Variants in UBR2 observed in about 807,000 individuals in gnomAD.
UBR2 encodes the protein E3 ubiquitin-protein ligase UBR2.
UBR2 carries 92 observed loss-of-function variants against 247.9 expected under a neutral mutation model. The ratio of observed to expected loss-of-function variants is 0.37; its 90% CI spans 0.31 to 0.44. The LOEUF (loss-of-function observed/expected upper bound fraction) is 0.44, where lower values mean the gene tolerates loss of function less well. Among genes scored for constraint, UBR2 ranks in the 20% least tolerant of loss-of-function variants. UBR2 has a pLI of 1.00. For missense variants in UBR2, 1,613 were observed against 2,112.6 expected (o/e 0.76, Z 4.64); for synonymous variants, 672 against 693.5 (o/e 0.97, Z 0.49).
Position 42,692,902 on chromosome 6 carries a change from C to T in UBR2, c.*1729C>T, listed in dbSNP as rs1293004867. The T allele has an allele frequency of 1.3e-5, 2 of 152,184 alleles. No individual in the cohort carries two copies. The highest frequency in any genetic ancestry group is 4.8e-5 in the African/African-American group (2 of 41,434). 9.4% of individuals were successfully genotyped at this position (152,184 alleles called of 1,614,324 possible). ...AAAATTCACATTTGAGTCCACCTCT[C>T]TCCCCCTTTTTCTGGCCTTCATTCA... On this transcript the variant is annotated 3_prime_UTR_variant, in exon 47 of 47. Coordinates refer to ENST00000372901, the MANE Select transcript of UBR2 (RefSeq NM_001363705.2).
rs1230334933 is a variant in UBR2, at chr6:42,689,351, T to C, written c.5025-218T>C. 2.6e-5 allele frequency among the ~76,000 whole-genome samples: 4 copies of C among 152,156 alleles called. No homozygotes were observed. The highest frequency in any genetic ancestry group is 5.9e-5 in the Non-Finnish European group (4 of 68,028). ...ATGTCTGTTTAATTGTGCTGTACTATTAATGCCAGAAAAAGGCAAATGTCT... is the reference window on the plus strand; with the variant it reads ...ATGTCTGTTTAATTGTGCTGTACTACTAATGCCAGAAAAAGGCAAATGTCT... On this transcript the variant is annotated intron_variant, in intron 45 of 46. Transcript: ENST00000372901. The surrounding 1 kb of genome is among the most constrained non-coding windows in gnomAD (Gnocchi z 4.0).
intron 7 of UBR2, among the ~76,000 whole-genome samples, chr6:42,607,461 C>T (rs1793776009): frequency 1.3e-5 from 2 of 151,908 alleles, no homozygotes; most frequent in East Asian, 3.9e-4. Flanking sequence ...AGCCACCACA[C>T]CTCAAATTTC....
At chr6:42,613,455 C>T (rs1029793406) in intron 8 of UBR2, among the ~76,000 whole-genome samples, 9 of 152,146 alleles carry the variant, frequency 5.9e-5, no homozygotes, top group African/African-American at 1.7e-4. Flanking sequence ...GACACGGTGG[C>T]CCACTCCTCT....
chr6:42,637,795 G>A (rs995387742), intron 15 of UBR2, among the ~76,000 whole-genome samples: 3 of 152,164 alleles, frequency 2.0e-5, no homozygotes, highest in African/African-American at 7.2e-5. Flanking sequence ...GCCATCTTAT[G>A]TGGCCAAAGA....
At chr6:42,598,489 C>G (rs867350915) in intron 4 of UBR2, among the ~76,000 whole-genome samples, 6 of 152,126 alleles carry the variant, frequency 3.9e-5, no homozygotes, top group African/African-American at 1.4e-4. Flanking sequence ...CTACTCAGTT[C>G]CCACTCCCTA....
At chr6:42,580,442 C>T (rs1171431962) in intron 2 of UBR2, among the ~76,000 whole-genome samples, 1 of 152,172 alleles carries the variant, frequency 6.6e-6, no homozygotes, top group East Asian at 1.9e-4. Flanking sequence ...GTAGGAAACG[C>T]AAATTTATAT....
At chr6:42,663,220 A>G in intron 31 of UBR2, 38 bp from the exon 32 acceptor site, 3 of 1,456,894 alleles carry the variant, frequency 2.1e-6, no homozygotes, top group Non-Finnish European at 2.7e-6. Flanking sequence ...TATGTAAATT[A>G]CCATTGTTTT....
At chr6:42,584,422 G>A (rs1336599654) in intron 2 of UBR2, among the ~76,000 whole-genome samples, 1 of 152,124 alleles carries the variant, frequency 6.6e-6, no homozygotes, top group Non-Finnish European at 1.5e-5. Context: ...GATTATTGCA[G>A]CTTTATAATA....
intron 42 of UBR2, among the ~76,000 whole-genome samples, chr6:42,680,577 C>T (rs1431415150): frequency 1.3e-5 from 2 of 152,142 alleles, no homozygotes; most frequent in African/African-American, 2.4e-5. Flanking sequence ...TCACACTCAG[C>T]TTTTCATAGA....
chr6:42,670,376 AAATGT>A (rs1798359089), intron 35 of UBR2, 136 bp downstream of exon 35: 3 of 1,146,360 alleles, frequency 2.6e-6, no homozygotes, highest in South Asian at 1.6e-5. Flanking sequence ...TAGAAGCAAG[AAATGT>A]AATGTACTGA....
At chr6:42,651,299 T>C (rs1219357096) in intron 23 of UBR2, among the ~76,000 whole-genome samples, 1 of 152,038 alleles carries the variant, frequency 6.6e-6, no homozygotes, top group Non-Finnish European at 1.5e-5. Flanking sequence ...AAATAAAACT[T>C]AAACATAAAG....
intron 44 of UBR2, 124 bp from the exon 45 acceptor site, chr6:42,688,092 G>A: frequency 9.3e-7 from 1 of 1,075,914 alleles, no homozygotes; most frequent in Non-Finnish European, 1.4e-6. Context: ...TGCATAGACT[G>A]TAGGATATAC....
Position 42,658,709 on chromosome 6 carries a change from G to GAA in UBR2, c.3130_3131dup (p.Ile1045ArgfsTer25), listed in dbSNP as rs1402144624. 1 of 1,612,738 alleles carries GAA rather than the reference G, an allele frequency of 6.2e-7. No homozygotes were observed. On this transcript the variant is annotated frameshift_variant, in exon 29 of 47. Transcript: ENST00000372901. LOFTEE classifies it high-confidence loss of function. The stretch of plus-strand genomic sequence containing the variant: ...AGCAGAGATTGCCAGACTGCGCAGA[G>GAA]AAAAGATCATGGCTCAGATGTCTGA...
At chr6:42,672,855 A>G (rs1798525213) in intron 36 of UBR2, among the ~76,000 whole-genome samples, 1 of 152,028 alleles carries the variant, frequency 6.6e-6, no homozygotes, top group African/African-American at 2.4e-5. Flanking sequence ...GGAGGGGGAG[A>G]ATGGGTTTTA....
In UBR2 at chr6:42,693,312, A is replaced by G. The variant is rs1382841014; in HGVS notation, c.*2139A>G. On this transcript the variant is annotated 3_prime_UTR_variant, in exon 47 of 47. Coordinates refer to ENST00000372901, the MANE Select transcript of UBR2 (RefSeq NM_001363705.2). Reference sequence around the variant, plus strand: ...CTACCTTACAAATCATGTTAGTTTTATGATTTGTTCCGCATGTTTTATGTT... The same window carrying G: ...CTACCTTACAAATCATGTTAGTTTTGTGATTTGTTCCGCATGTTTTATGTT... 6.6e-6 allele frequency: 1 copy of G among 152,170 alleles called. No individual in the cohort carries two copies. Among genetic ancestry groups the G allele is most frequent in the Admixed American group, 6.5e-5 (1 of 15,280 alleles). 9.4% of individuals were successfully genotyped at this position (152,170 alleles called of 1,614,324 possible). A position where few individuals can be genotyped will look rare whatever the true frequency, so the allele number is the denominator to read the frequency against.
At chr6:42,605,184 C>T (rs1412969115) in intron 5 of UBR2, among the ~76,000 whole-genome samples, 3 of 152,116 alleles carry the variant, frequency 2.0e-5, no homozygotes, top group Admixed American at 1.3e-4. Context: ...TTTCACCTGC[C>T]TCTAGCCCAT....
chr6:42,628,194 C>T (rs1038364637), intron 11 of UBR2, among the ~76,000 whole-genome samples: 4 of 151,788 alleles, frequency 2.6e-5, no homozygotes, highest in African/African-American at 4.8e-5. Flanking sequence ...TTTTATTAAG[C>T]GTTTCTAGTT....
chr6:42,623,460 G>T (rs1003954289), intron 11 of UBR2, among the ~76,000 whole-genome samples: 17 of 151,862 alleles, frequency 1.1e-4, no homozygotes, highest in Admixed American at 1.1e-3. Context: ...TTTGGTTTTG[G>T]GTTTTTTTTG....
chr6:42,667,587 C>CTTTTTTTTTTTTTTTTTTTTT (rs1161068427), intron 34 of UBR2, among the ~76,000 whole-genome samples: 97 of 47,408 alleles, frequency 2.0e-3, no homozygotes, highest in East Asian at 3.4e-3. Flanking sequence ...ACAGTTTTGT[C>CTTTTTTTTTTTTTTTTTTTTT]TTTTTTTTTT....
Sources: allele counts gnomAD v4.1 joint callset (sites outside exome capture counted in the v4.1 genomes callset), GRCh38; gene constraint gnomAD v4.1.1; non-coding constraint Gnocchi (gnomAD v3.1); transcripts MANE v1.5; gene names NCBI Gene and HGNC (gene_info 2026-07-23, HGNC 2026-07-21).